PAXBP1: variants seen among roughly 807,000 people sequenced by gnomAD.
PAXBP1 encodes the protein PAX3- and PAX7-binding protein 1.
Under a neutral mutation model 119.9 loss-of-function variants are expected in PAXBP1, and 44 were observed. The observed-to-expected ratio is 0.37, with a 90% CI of 0.29 to 0.47. The LOEUF is 0.47. PAXBP1 is among the 20% of genes least tolerant of loss of function. The pLI, the probability that PAXBP1 is intolerant of heterozygous loss-of-function variation, is 0.99. For synonymous variants in PAXBP1, 393 were observed against 406.6 expected (o/e 0.97, Z 0.40); for missense variants, 898 against 1,134.1 (o/e 0.79, Z 2.99).
chr21:32,763,296 C>T (rs946398174), intron 3 of PAXBP1, among the ~76,000 whole-genome samples: 2 of 152,058 alleles, frequency 1.3e-5, no homozygotes, highest in African/African-American at 2.4e-5. Flanking sequence ...TCTAACAAAC[C>T]TTTCCCCTCC....
At chr21:32,763,438 T>C (rs548315448) in intron 3 of PAXBP1, among the ~76,000 whole-genome samples, 2 of 152,340 alleles carry the variant, frequency 1.3e-5, no homozygotes, top group East Asian at 3.9e-4. Context: ...TTGATTCATA[T>C]TGCCAAAGAG....
At chr21:32,744,656 C>CT (rs1294102100) in intron 13 of PAXBP1, 136 bp downstream of exon 13, 67 of 879,306 alleles carry the variant, frequency 7.6e-5, no homozygotes, top group Middle Eastern at 3.9e-4. Context: ...GTATTTCAGG[C>CT]TTTAATGGCC....
chr21:32,770,533 T>C (rs1280477106), intron 1 of PAXBP1, among the ~76,000 whole-genome samples: 1 of 152,174 alleles, frequency 6.6e-6, no homozygotes, highest in Non-Finnish European at 1.5e-5. Context: ...ACTGGAAACC[T>C]CTCGAATAAA....
chr21:32,764,370 A>C lies in PAXBP1; in HGVS notation c.627T>G (p.Ser209=), dbSNP rs755307487. The change falls in exon 3 of 18, where the codon TCT becomes TCG. Residue 209 remains serine, a synonymous_variant. Coordinates refer to ENST00000331923, the MANE Select transcript of PAXBP1 (RefSeq NM_016631.4). ...CACCTGGACGAAGAACATTCAATGA[A>C]GATAAAGCATTTGAAAAAGCTCCAC... is the stretch of plus-strand genomic sequence containing the variant. ...KTGGAFSNAL[S]SLNVLRPGEI... is the part of the protein sequence containing the mutation. The C allele has an allele frequency of 1.1e-5, 17 of 1,613,722 alleles. No homozygotes were observed. Among genetic ancestry groups the C allele is most frequent in the Non-Finnish European group, 1.4e-5 (17 of 1,179,888 alleles).
chr21:32,759,600 A>G, intron 6 of PAXBP1, 177 bp downstream of exon 6: 1 of 650,072 alleles, frequency 1.5e-6, no homozygotes, highest in East Asian at 2.7e-5. Flanking sequence ...CGAGGCTTCC[A>G]CAGAAGTAAT....
intron 3 of PAXBP1, among the ~76,000 whole-genome samples, chr21:32,764,112 T>C (rs1185840901): frequency 1.3e-5 from 2 of 152,200 alleles, no homozygotes; most frequent in Non-Finnish European, 2.9e-5. Context: ...CATTTTTCCA[T>C]TTACTTGAAG....
intron 6 of PAXBP1, 185 bp from the exon 7 acceptor site, chr21:32,759,454 C>T (rs924380512): frequency 8.0e-5 from 54 of 675,142 alleles, no homozygotes; most frequent in Non-Finnish European, 1.2e-4. Context: ...ACAGATTTCA[C>T]AGTTTTGTGG....
In PAXBP1 at chr21:32,743,323, A is replaced by G. The variant is rs759463591; in HGVS notation, c.2268-9T>C. The G allele has an allele frequency of 6.6e-7, 1 of 1,520,434 alleles. No homozygotes were observed. Among genetic ancestry groups the G allele is most frequent in the South Asian group, 1.3e-5 (1 of 79,692 alleles). The allele number at this position is 1,520,434 out of a possible 1,614,324, so 94.2% of individuals were successfully genotyped here. On this transcript the variant is annotated splice_polypyrimidine_tract_variant and intron_variant, in intron 14 of 17. Coordinates refer to ENST00000331923, the MANE Select transcript of PAXBP1 (RefSeq NM_016631.4). Reference sequence around the variant, plus strand: ...TTTTATTTTCTAAGACACTAAGTAAAAAAAAGAGAAACATATCATGATCAG... The same window carrying G: ...TTTTATTTTCTAAGACACTAAGTAAGAAAAAGAGAAACATATCATGATCAG...
intron 2 of PAXBP1, among the ~76,000 whole-genome samples, chr21:32,767,298 G>A (rs1334216445): frequency 6.6e-6 from 1 of 152,188 alleles, no homozygotes; most frequent in Non-Finnish European, 1.5e-5. Context: ...ATTAATGACA[G>A]ACCTTCATTT....
intron 17 of PAXBP1, 151 bp from the exon 18 acceptor site, chr21:32,735,218 G>A (rs1202309761): frequency 3.7e-6 from 2 of 547,574 alleles, no homozygotes; most frequent in African/African-American, 3.9e-5. Flanking sequence ...GCTACAGCAT[G>A]TTAAAAAAAA....
chr21:32,746,970 CA>C (rs960457284), intron 11 of PAXBP1, among the ~76,000 whole-genome samples: 7 of 151,292 alleles, frequency 4.6e-5, no homozygotes, highest in African/African-American at 1.7e-4. Context: ...TTATCCTCAG[CA>C]AACTAACGCA....
intron 1 of PAXBP1, 25 bp from the exon 2 acceptor site, chr21:32,769,967 C>A: frequency 1.4e-6 from 2 of 1,465,382 alleles, no homozygotes; most frequent in South Asian, 2.5e-5. Context: ...TAAATGAAGT[C>A]TGTAGCAACT....
rs1453420566 is a variant in PAXBP1, at chr21:32,738,269, C to G, written c.2385G>C (p.Leu795=). 6.3e-7 allele frequency: 1 copy of G among 1,598,732 alleles called. No individual in the cohort carries two copies. The highest frequency in any genetic ancestry group is 1.8e-5 in the Admixed American group (1 of 56,090). The change falls in exon 16 of 18, where the codon CTG becomes CTC. Residue 795 remains leucine (L), a synonymous_variant. Transcript: ENST00000331923. ...QWYGIFSNKT[L]QELSIDGLLN... is the part of the protein sequence containing the mutation. Reference sequence around the variant, plus strand: ...ATAAACCATCTATTGATAACTCTTGCAGAGTTTTATTTGAGAAAATGCCAT... The same window carrying G: ...ATAAACCATCTATTGATAACTCTTGGAGAGTTTTATTTGAGAAAATGCCAT...
intron 7 of PAXBP1, chr21:32,756,181 C>G: frequency 4.7e-6 from 2 of 428,734 alleles, no homozygotes; most frequent in Non-Finnish European, 9.2e-6. Context: ...AGAAAACTTT[C>G]TTTTTCTAAA....
chr21:32,761,374 T>C (rs1360594264), intron 4 of PAXBP1, among the ~76,000 whole-genome samples: 7 of 152,222 alleles, frequency 4.6e-5, no homozygotes, highest in African/African-American at 1.7e-4. Flanking sequence ...AATGTAATAG[T>C]TAAAATCTTG....
At chr21:32,752,913 C>G (rs551414497) in intron 8 of PAXBP1, among the ~76,000 whole-genome samples, 1 of 152,204 alleles carries the variant, frequency 6.6e-6, no homozygotes, top group East Asian at 1.9e-4. Context: ...CGTGCCTGAC[C>G]AGACCCTACT....
intron 15 of PAXBP1, chr21:32,742,821 A>C: frequency 3.1e-6 from 1 of 324,582 alleles, no homozygotes; most frequent in Non-Finnish European, 6.1e-6. Context: ...GTTATTGTTA[A>C]TCTCTTACTG....
intron 11 of PAXBP1, among the ~76,000 whole-genome samples, chr21:32,746,222 C>CA (rs2043869425): frequency 6.6e-6 from 1 of 152,124 alleles, no homozygotes; most frequent in Non-Finnish European, 1.5e-5. Flanking sequence ...GATTTCACGA[C>CA]AAAAACACCA....
chr21:32,767,902 A>G (rs965858431), intron 2 of PAXBP1, among the ~76,000 whole-genome samples: 1 of 152,144 alleles, frequency 6.6e-6, no homozygotes, highest in African/African-American at 2.4e-5. Flanking sequence ...TTTTACTCTC[A>G]TCATATATAG....
Sources: gnomAD v4.1 joint callset for allele counts (sites outside exome capture counted in the v4.1 genomes callset) on GRCh38, gnomAD v4.1.1 for gene constraint, MANE v1.5 for transcripts, NCBI Gene and HGNC (gene_info 2026-07-23, HGNC 2026-07-21) for gene names.